Variants in OPCML observed in about 807,000 individuals in gnomAD.
The protein encoded by OPCML is opioid-binding protein/cell adhesion molecule.
In OPCML, 13 loss-of-function variants were observed where a neutral mutation model predicts 37.8. The observed-to-expected ratio is 0.34, with a 90% CI of 0.22 to 0.55. OPCML has a LOEUF of 0.55. OPCML is among the 20% of genes least tolerant of loss of function. OPCML has a pLI of 0.91. For missense variants in OPCML, 341 were observed against 435.6 expected, an observed-to-expected ratio of 0.78 and a Z score of 1.93; for synonymous variants, 176 against 168.8, an observed-to-expected ratio of 1.04 and a Z score of -0.33.
intron 3 of OPCML, among the ~76,000 whole-genome samples, chr11:132,603,753 A>G (rs928402462): frequency 1.3e-5 from 2 of 152,118 alleles, no homozygotes; most frequent in African/African-American, 2.4e-5. Context: ...ACCTGATTGT[A>G]CTCTAGCAAT....
intron 1 of OPCML, among the ~76,000 whole-genome samples, chr11:133,311,162 G>A (rs1943059094): frequency 6.6e-6 from 1 of 152,158 alleles, no homozygotes; most frequent in South Asian, 2.1e-4. Flanking sequence ...CTTTTCTCAT[G>A]CCAACACTTC....
chr11:132,821,696 A>C (rs1939995795), intron 2 of OPCML, among the ~76,000 whole-genome samples: 1 of 152,168 alleles, frequency 6.6e-6, no homozygotes, highest in South Asian at 2.1e-4. Context: ...TGACTTCGAC[A>C]CTTTCTTCCA....
intron 2 of OPCML, among the ~76,000 whole-genome samples, chr11:132,888,953 C>G (rs1460933088): frequency 6.6e-6 from 1 of 152,012 alleles, no homozygotes; most frequent in Non-Finnish European, 1.5e-5. Context: ...CAGCCCTAAA[C>G]TCTTAGAAAT....
intron 1 of OPCML, among the ~76,000 whole-genome samples, chr11:133,185,748 T>A (rs147515611): frequency 8.8e-4 from 134 of 152,284 alleles, no homozygotes; most frequent in African/African-American, 3.0e-3. Flanking sequence ...CTTTGGTGGG[T>A]CTGCAATCAA....
chr11:133,151,911 A>C (rs776031846), intron 1 of OPCML, among the ~76,000 whole-genome samples: 2 of 152,196 alleles, frequency 1.3e-5, no homozygotes, highest in Non-Finnish European at 2.9e-5. Context: ...GACTCCTCAG[A>C]GTGCCTTGGC....
intron 1 of OPCML, among the ~76,000 whole-genome samples, chr11:133,083,251 C>T (rs1461941400): frequency 6.6e-6 from 1 of 152,186 alleles, no homozygotes; most frequent in African/African-American, 2.4e-5. Context: ...GAGCGGGAGC[C>T]GCGGGCTTTG....
rs1384310145 is a variant in OPCML, at chr11:132,937,514, CTGTGTGGTGTGTGGTG to C, written c.146+5396_146+5411del. Among the ~76,000 whole-genome samples, 252 of 146,788 alleles carry C rather than the reference CTGTGTGGTGTGTGGTG, an allele frequency of 1.7e-3. 1 individual carries two copies. Among genetic ancestry groups the C allele is most frequent in the African/African-American group, 6.1e-3 (242 of 39,628 alleles). Reference sequence around the variant, plus strand: ...AGAGAGAGTGTGTGTGTATGTGTGTCTGTGTGGTGTGTGGTGTGTGTGGTGTGTGTGTGTGGAGTGT... The same window carrying C: ...AGAGAGAGTGTGTGTGTATGTGTGTCTGTGTGGTGTGTGTGTGTGGAGTGT... On this transcript the variant is annotated intron_variant, in intron 2 of 7. Transcript: ENST00000524381.
intron 7 of OPCML, among the ~76,000 whole-genome samples, chr11:132,422,948 C>T (rs2095965093): frequency 6.6e-6 from 1 of 152,190 alleles, no homozygotes; most frequent in African/African-American, 2.4e-5. Flanking sequence ...CCTCTCCGGG[C>T]TTTGCTTCTC....
At chr11:132,966,561 G>C (rs1245889659) in intron 1 of OPCML, among the ~76,000 whole-genome samples, 2 of 151,974 alleles carry the variant, frequency 1.3e-5, no homozygotes, top group Non-Finnish European at 1.5e-5. Context: ...GATGTCTTTT[G>C]GTTATAGTTG....
intron 1 of OPCML, among the ~76,000 whole-genome samples, chr11:132,970,072 CTTGT>C (rs1203242099): frequency 1.3e-5 from 2 of 152,070 alleles, no homozygotes; most frequent in African/African-American, 4.8e-5. Flanking sequence ...CTCTTGTTTG[CTTGT>C]TTGTTTAGTG....
intron 1 of OPCML, among the ~76,000 whole-genome samples, chr11:133,343,462 C>T (rs1473064543): frequency 6.6e-6 from 1 of 152,148 alleles, no homozygotes; most frequent in East Asian, 1.9e-4. Flanking sequence ...CAGAGCCAAG[C>T]CTTATATTGC....
intron 1 of OPCML, among the ~76,000 whole-genome samples, chr11:132,994,382 C>T (rs1003263827): frequency 6.6e-6 from 1 of 152,132 alleles, no homozygotes; most frequent in Non-Finnish European, 1.5e-5. Context: ...GAGGAGGAGC[C>T]TAGGAGAGAA....
chr11:133,498,139 G>A (rs927653903), intron 1 of OPCML, among the ~76,000 whole-genome samples: 4 of 152,134 alleles, frequency 2.6e-5, no homozygotes. Context: ...TTGCTCCAAG[G>A]CTTCCCTTCA....
intron 1 of OPCML, among the ~76,000 whole-genome samples, chr11:133,490,182 A>G (rs766955682): frequency 2.6e-4 from 40 of 152,232 alleles, no homozygotes; most frequent in Non-Finnish European, 5.1e-4. Context: ...CCCAGGACGC[A>G]TGCAAGAGAA....
At chr11:132,800,723 A>G (rs1008164260) in intron 2 of OPCML, among the ~76,000 whole-genome samples, 1 of 152,178 alleles carries the variant, frequency 6.6e-6, no homozygotes, top group African/African-American at 2.4e-5. Context: ...TGATTTTAAG[A>G]CGTTTACCTT....
At chr11:132,463,573 A>G (rs1398110729) in intron 4 of OPCML, among the ~76,000 whole-genome samples, 1 of 152,222 alleles carries the variant, frequency 6.6e-6, no homozygotes, top group African/African-American at 2.4e-5. Context: ...ACCACACTGC[A>G]AGGATTGAGA....
intron 2 of OPCML, among the ~76,000 whole-genome samples, chr11:132,717,500 A>C (rs781549076): frequency 2.6e-5 from 4 of 152,188 alleles, no homozygotes; most frequent in Non-Finnish European, 5.9e-5. Context: ...AACATGTATA[A>C]AGCAAAACTG....
chr11:133,209,987 AG>A (rs1939284929), intron 1 of OPCML, among the ~76,000 whole-genome samples: 1 of 152,228 alleles, frequency 6.6e-6, no homozygotes, highest in Non-Finnish European at 1.5e-5. Context: ...CAGCTCACCC[AG>A]GAGCAGGTAG....
intron 2 of OPCML, among the ~76,000 whole-genome samples, chr11:132,856,068 C>T (rs566201489): frequency 5.9e-5 from 9 of 152,238 alleles, no homozygotes; most frequent in African/African-American, 1.9e-4. Context: ...ATAAGACACT[C>T]GAATGCCAAT....
Sources: allele counts gnomAD v4.1 joint callset (sites outside exome capture counted in the v4.1 genomes callset), GRCh38; gene constraint gnomAD v4.1.1; transcripts MANE v1.5; gene names NCBI Gene and HGNC (gene_info 2026-07-23, HGNC 2026-07-21).